The following RASGRF2 variants were observed in gnomAD, a reference collection of about 807,000 sequenced individuals.
RASGRF2 encodes the protein ras-specific guanine nucleotide-releasing factor 2.
A neutral mutation model predicts 151.0 loss-of-function variants in RASGRF2; 76 were observed. The ratio of observed to expected loss-of-function variants is 0.50; its 90% confidence interval spans 0.42 to 0.61. The LOEUF (loss-of-function observed/expected upper bound fraction) is 0.61. Ranked by LOEUF, RASGRF2 falls within the 20% of genes least tolerant of loss-of-function variation. The pLI, the probability that RASGRF2 is intolerant of heterozygous loss-of-function variation, is 0.00. For synonymous variants in RASGRF2, 504 were observed against 566.5 expected (o/e 0.89, Z 1.57); for missense variants, 1,148 against 1,564.6 (o/e 0.73, Z 4.49).
intron 17 of RASGRF2, among the ~76,000 whole-genome samples, chr5:81,158,495 C>T (rs1754311725): frequency 2.0e-5 from 3 of 151,946 alleles, no homozygotes; most frequent in Admixed American, 2.0e-4. Flanking sequence ...TATCAAAAGA[C>T]ACCCTCGAGA....
chr5:81,202,436 G>A (rs915887892), intron 19 of RASGRF2, among the ~76,000 whole-genome samples: 2 of 152,166 alleles, frequency 1.3e-5, no homozygotes, highest in Non-Finnish European at 2.9e-5. Flanking sequence ...GTTTTTGCAA[G>A]TCCTTCCCTG....
intron 9 of RASGRF2, chr5:81,087,390 T>G (rs1168132662): frequency 2.9e-6 from 2 of 698,208 alleles, no homozygotes; most frequent in Non-Finnish European, 5.2e-6. Flanking sequence ...TGTTCCCATT[T>G]TTCATCAGCA....
intron 18 of RASGRF2, among the ~76,000 whole-genome samples, chr5:81,191,671 G>T: frequency 6.6e-6 from 1 of 151,304 alleles, no homozygotes; most frequent in African/African-American, 2.4e-5. Flanking sequence ...CACAGCATCT[G>T]AAAAAAAAAT....
intron 1 of RASGRF2, among the ~76,000 whole-genome samples, chr5:81,008,409 C>A (rs2112308388): frequency 6.6e-6 from 1 of 152,154 alleles, no homozygotes; most frequent in Non-Finnish European, 1.5e-5. Flanking sequence ...CTTCAGCCTC[C>A]CAAAGTGCTG....
intron 1 of RASGRF2, among the ~76,000 whole-genome samples, chr5:81,033,851 G>A (rs1750362374): frequency 6.6e-6 from 1 of 152,156 alleles, no homozygotes; most frequent in South Asian, 2.1e-4. Context: ...TACCATCAGA[G>A]CGAACAGGCA....
intron 2 of RASGRF2, among the ~76,000 whole-genome samples, chr5:81,047,508 CA>C (rs1750874824): frequency 1.3e-5 from 2 of 152,214 alleles, no homozygotes; most frequent in South Asian, 4.1e-4. Context: ...TGAACCTGCT[CA>C]AATCTCCACC....
At chr5:81,191,091 C>T (rs542573455) in intron 18 of RASGRF2, among the ~76,000 whole-genome samples, 1 of 152,324 alleles carries the variant, frequency 6.6e-6, no homozygotes, top group South Asian at 2.1e-4. Context: ...GAACAATGAT[C>T]CTGACATCAC....
intron 18 of RASGRF2, among the ~76,000 whole-genome samples, chr5:81,194,938 C>G (rs1042448544): frequency 6.6e-6 from 1 of 152,240 alleles, no homozygotes; most frequent in African/African-American, 2.4e-5. Context: ...ATATAAACGT[C>G]TTGCATTTTC....
At chr5:81,210,479 A>G (rs1335936220) in intron 22 of RASGRF2, among the ~76,000 whole-genome samples, 1 of 152,188 alleles carries the variant, frequency 6.6e-6, no homozygotes, top group Non-Finnish European at 1.5e-5. Context: ...CTTCCGTGTT[A>G]TGGCTACATG....
In RASGRF2 at chr5:81,206,904, TG is replaced by T; in HGVS notation, c.2967+1del. The T allele has an allele frequency of 6.2e-7, 1 of 1,604,228 alleles. No individual in the cohort carries two copies. Among genetic ancestry groups the T allele is most frequent in the Non-Finnish European group, 8.5e-7 (1 of 1,171,040 alleles). On this transcript the variant is annotated frameshift_variant and splice_region_variant, in exon 20 of 27. Coordinates refer to ENST00000265080, the MANE Select transcript of RASGRF2 (RefSeq NM_006909.3). LOFTEE classifies it high-confidence loss of function. ...CTAAAATTAGAGGATATAATTCAAA[TG>T]GTAAGTCTGACCACATTTTTATCTA... ...IHLKLEDIIQMTDCMKAECFE... is the reference protein window; with the variant it reads ...IHLKLEDIIQXTDCMKAECFE...
intron 12 of RASGRF2, among the ~76,000 whole-genome samples, chr5:81,098,707 G>A (rs1421910313): frequency 6.6e-6 from 1 of 152,166 alleles, no homozygotes; most frequent in East Asian, 1.9e-4. Flanking sequence ...TGGGTGGGTA[G>A]GTGGTAGGGA....
chr5:81,131,710 C>T (rs1753625368), intron 17 of RASGRF2, among the ~76,000 whole-genome samples: 1 of 151,922 alleles, frequency 6.6e-6, no homozygotes, highest in African/African-American at 2.4e-5. Flanking sequence ...GATCTAGAGC[C>T]TTCCCTTCCC....
At chr5:81,137,628 A>G (rs945566803) in intron 17 of RASGRF2, among the ~76,000 whole-genome samples, 1 of 152,194 alleles carries the variant, frequency 6.6e-6, no homozygotes, top group Non-Finnish European at 1.5e-5. Context: ...TGAACCCTAT[A>G]AGGAGGCTAT....
At chr5:81,154,413 A>T (rs1256485870) in intron 17 of RASGRF2, among the ~76,000 whole-genome samples, 1 of 152,136 alleles carries the variant, frequency 6.6e-6, no homozygotes, top group Non-Finnish European at 1.5e-5. Flanking sequence ...TAATTTTTGT[A>T]GAGACAGGGT....
intron 15 of RASGRF2, among the ~76,000 whole-genome samples, chr5:81,121,472 T>C (rs181921123): frequency 1.3e-5 from 2 of 152,334 alleles, no homozygotes; most frequent in Admixed American, 1.3e-4. Flanking sequence ...TTATTGTCAT[T>C]GCAATGATAA....
At chr5:81,000,674 G>T (rs537256733) in intron 1 of RASGRF2, among the ~76,000 whole-genome samples, 1 of 152,168 alleles carries the variant, frequency 6.6e-6, no homozygotes, top group African/African-American at 2.4e-5. Flanking sequence ...CCCAATGCTG[G>T]TGTTTGTCAA....
chr5:80,999,772 C>T (rs970006118), intron 1 of RASGRF2, among the ~76,000 whole-genome samples: 7 of 152,106 alleles, frequency 4.6e-5, no homozygotes, highest in South Asian at 2.1e-4. Flanking sequence ...GAGCTTTCTG[C>T]GTTTTTTATT....
intron 1 of RASGRF2, among the ~76,000 whole-genome samples, chr5:81,033,892 C>T (rs950879354): frequency 2.0e-5 from 3 of 152,210 alleles, no homozygotes; most frequent in African/African-American, 7.2e-5. Flanking sequence ...TTTTTACAAT[C>T]TACCCATCTG....
At chr5:81,087,058 C>A in intron 9 of RASGRF2, 105 bp downstream of exon 9, 3 of 1,025,016 alleles carry the variant, frequency 2.9e-6, no homozygotes, top group South Asian at 1.3e-5. Flanking sequence ...GGGTGCGGTG[C>A]CCGAAGGACC....
Sources: gnomAD v4.1 joint callset for allele counts (sites outside exome capture counted in the v4.1 genomes callset) on GRCh38, gnomAD v4.1.1 for gene constraint, MANE v1.5 for transcripts, NCBI Gene and HGNC (gene_info 2026-07-23, HGNC 2026-07-21) for gene names.